SIN3A: variants seen among roughly 807,000 people sequenced by gnomAD.
SIN3A encodes the protein paired amphipathic helix protein Sin3a.
Under a neutral mutation model 146.1 loss-of-function variants are expected in SIN3A, and 14 were observed. That is an observed-to-expected ratio of 0.10 (90% CI 0.06 to 0.15). SIN3A has a LOEUF of 0.15. SIN3A is among the 10% of genes least tolerant of loss of function. SIN3A has a pLI of 1.00. For missense variants in SIN3A, 1,028 were observed against 1,576.0 expected, an observed-to-expected ratio of 0.65 and a Z score of 5.89; for synonymous variants, 572 against 572.0, an observed-to-expected ratio of 1.00 and a Z score of 0.00.
chr15:75,426,925 G>A (rs1000295313), intron 2 of SIN3A, among the ~76,000 whole-genome samples: 2 of 151,032 alleles, frequency 1.3e-5, no homozygotes, highest in Admixed American at 1.3e-4. Context: ...GTGTGACTCT[G>A]TCTCAAAAAA....
chr15:75,393,278 A>C (rs1483460259), intron 14 of SIN3A, among the ~76,000 whole-genome samples: 1 of 152,220 alleles, frequency 6.6e-6, no homozygotes, highest in Non-Finnish European at 1.5e-5. Context: ...TCCCTCTTCC[A>C]GAAACAAATA....
intron 2 of SIN3A, among the ~76,000 whole-genome samples, chr15:75,425,975 A>G (rs571201637): frequency 3.9e-5 from 6 of 152,340 alleles, no homozygotes; most frequent in African/African-American, 1.4e-4. Flanking sequence ...GAGTAAAAAG[A>G]AACTATTTAG....
intron 16 of SIN3A, among the ~76,000 whole-genome samples, chr15:75,386,616 G>T (rs954313418): frequency 6.6e-6 from 1 of 152,182 alleles, no homozygotes; most frequent in Non-Finnish European, 1.5e-5. Flanking sequence ...GAGGCTGGAG[G>T]AGCCTGGAGC....
At chr15:75,401,654 G>A (rs910260285) in intron 10 of SIN3A, among the ~76,000 whole-genome samples, 198 bp downstream of exon 10, 1 of 152,142 alleles carries the variant, frequency 6.6e-6, no homozygotes, top group Non-Finnish European at 1.5e-5. Flanking sequence ...GCCATTAGTC[G>A]ATAAATACTT....
At chr15:75,452,656 C>A (rs1454728481), upstream of SIN3A, among the ~76,000 whole-genome samples, 1 of 152,190 alleles carries the variant, frequency 6.6e-6, no homozygotes, top group South Asian at 2.1e-4. Context: ...AAAAGAGAGG[C>A]GGGCTCTAAC....
rs2073637805 is a variant in SIN3A at position 75,411,475 on chromosome 15, G to A, written c.1008+17C>T. 1.9e-6 allele frequency: 3 copies of A among 1,606,908 alleles called. No homozygotes were observed. ...GAGGGTGACCTGGTTAAGACAGGCT[G>A]AATGGGCACTCCTTACCTGATATGT... On this transcript the variant is annotated intron_variant, in intron 6 of 20. Coordinates refer to ENST00000394947, the MANE Select transcript of SIN3A (RefSeq NM_001145358.2).
At chr15:75,410,866 T>C (rs2073624319) in intron 6 of SIN3A, among the ~76,000 whole-genome samples, 2 of 143,774 alleles carry the variant, frequency 1.4e-5, no homozygotes, top group South Asian at 4.4e-4. Context: ...TGAAACCCCG[T>C]CTCTACTAAA....
chr15:75,428,394 G>A (rs1344268553), intron 2 of SIN3A, among the ~76,000 whole-genome samples: 4 of 152,184 alleles, frequency 2.6e-5, no homozygotes, highest in Admixed American at 2.6e-4. Context: ...GCTCACTGCA[G>A]CCTTGACTTC....
Position 75,412,776 on chromosome 15 carries a change from G to A in SIN3A, c.743C>T (p.Ala248Val), listed in dbSNP as rs2141498059. 1.3e-6 allele frequency: 2 copies of A among 1,580,136 alleles called. No individual in the cohort carries two copies. The highest frequency in any genetic ancestry group is 1.7e-6 in the Non-Finnish European group (2 of 1,162,550). The change falls in exon 5 of 21, where the codon GCC (alanine) becomes GTC (valine). Residue 248 changes from alanine to valine, a missense_variant. Coordinates refer to ENST00000394947, the MANE Select transcript of SIN3A (RefSeq NM_001145358.2). The part of the protein sequence containing the change: ...PAQPAPQPPP[A>V]KVSKPSQLQA... ...CCAAGTGCTCACCTTGCTGACTTTGGCAGGTGGGGGCTGAGGAGCTGGCTG... is the reference window on the plus strand; with the variant it reads ...CCAAGTGCTCACCTTGCTGACTTTGACAGGTGGGGGCTGAGGAGCTGGCTG...
At chr15:75,372,978 A>G (rs898461282) in intron 20 of SIN3A, among the ~76,000 whole-genome samples, 1 of 152,138 alleles carries the variant, frequency 6.6e-6, no homozygotes, top group Non-Finnish European at 1.5e-5. Flanking sequence ...TCCACCTCTA[A>G]GCCAGACAGT....
chr15:75,379,764 A>G (rs912526538), intron 19 of SIN3A, among the ~76,000 whole-genome samples: 5 of 152,236 alleles, frequency 3.3e-5, no homozygotes, highest in Admixed American at 6.5e-5. Context: ...AAGCCATTCT[A>G]CCCATTTTAT....
intron 9 of SIN3A, among the ~76,000 whole-genome samples, chr15:75,405,807 G>A (rs889684724): frequency 2.6e-5 from 4 of 152,130 alleles, no homozygotes; most frequent in African/African-American, 9.7e-5. Flanking sequence ...TCCAAAGTCT[G>A]CATGTCACAT....
intron 14 of SIN3A, among the ~76,000 whole-genome samples, 185 bp downstream of exon 14, chr15:75,394,495 A>T (rs1040528330): frequency 5.9e-5 from 9 of 152,220 alleles, no homozygotes; most frequent in South Asian, 2.1e-4. Context: ...CAGCTTAGGT[A>T]TAAAGGTATA....
intron 1 of SIN3A, among the ~76,000 whole-genome samples, chr15:75,442,211 C>A (rs76750037): frequency 2.8e-5 from 4 of 141,584 alleles, no homozygotes; most frequent in Non-Finnish European, 1.5e-5. Flanking sequence ...TATACATATA[C>A]GTAACTTTGG....
chr15:75,409,814 A>G (rs752793924), intron 8 of SIN3A, 22 bp downstream of exon 8: 1 of 1,607,602 alleles, frequency 6.2e-7, no homozygotes, highest in East Asian at 2.2e-5. Context: ...TGTCAAAATG[A>G]GCAGCTGCTG....
intron 17 of SIN3A, among the ~76,000 whole-genome samples, chr15:75,382,361 G>C (rs889183785): frequency 6.6e-6 from 1 of 152,174 alleles, no homozygotes; most frequent in Non-Finnish European, 1.5e-5. Context: ...TTCCAAAATA[G>C]ATTTCGGGGT....
At chr15:75,425,543 T>C (rs189844742) in intron 2 of SIN3A, among the ~76,000 whole-genome samples, 9 of 152,326 alleles carry the variant, frequency 5.9e-5, no homozygotes, top group Admixed American at 4.6e-4. Context: ...TCCCCCTAAT[T>C]CTTGATGGTT....
chr15:75,395,718 GC>G (rs1402234624), intron 13 of SIN3A, among the ~76,000 whole-genome samples: 2 of 151,938 alleles, frequency 1.3e-5, no homozygotes, highest in Non-Finnish European at 2.9e-5. Context: ...GGGAAATATA[GC>G]AAGACCTCAT....
intron 2 of SIN3A, among the ~76,000 whole-genome samples, chr15:75,428,099 G>T (rs1251851923): frequency 6.6e-6 from 1 of 152,208 alleles, no homozygotes; most frequent in African/African-American, 2.4e-5. Flanking sequence ...CAGAGTAACA[G>T]ATGAATGATC....
Sources: gnomAD v4.1 joint callset for allele counts (sites outside exome capture counted in the v4.1 genomes callset) on GRCh38, gnomAD v4.1.1 for gene constraint, MANE v1.5 for transcripts, NCBI Gene and HGNC (gene_info 2026-07-23, HGNC 2026-07-21) for gene names.